The following PARP15 variants were observed in gnomAD, a reference collection of about 807,000 sequenced individuals.
PARP15 encodes poly(ADP-ribose) polymerase family member 15.
A neutral mutation model predicts 62.1 loss-of-function variants in PARP15; 50 were observed. The ratio of observed to expected loss-of-function variants is 0.81; its 90% confidence interval spans 0.64 to 1.02. The LOEUF (loss-of-function observed/expected upper bound fraction) is 1.02. Ranked by LOEUF, PARP15 falls within the 50% of genes least tolerant of loss-of-function variation. PARP15 has a pLI of 0.00. For missense variants in PARP15, 820 were observed against 826.5 expected, an observed-to-expected ratio of 0.99 and a Z score of 0.10; for synonymous variants, 309 against 293.1, an observed-to-expected ratio of 1.05 and a Z score of -0.55.
At position 122,626,864 on chromosome 3, in the gene PARP15, C is replaced by T. The variant is rs1936763683; in HGVS notation, c.1269C>T (p.Asn423=). The change falls in exon 9 of 12, where the codon AAC becomes AAT. Residue 423 remains asparagine, a synonymous_variant. Transcript: ENST00000464300. ...AAAACCCTATCACAGTTGCTGATAA[C>T]ATAATCGATGCTATTGTAGACTTCT... ...AGKNPITVAD[N]IIDAIVDFSS... The T allele has an allele frequency of 2.5e-6, 4 of 1,613,306 alleles. No individual in the cohort carries two copies. In the Admixed American group the frequency reaches 5.0e-5, roughly 20 times the overall value.
chr3:122,617,811 C>T (rs1398413691), intron 6 of PARP15, among the ~76,000 whole-genome samples: 1 of 152,218 alleles, frequency 6.6e-6, no homozygotes, highest in African/African-American at 2.4e-5. Flanking sequence ...TCACTGCAAC[C>T]TCTGCCTCCC....
intron 8 of PARP15, 44 bp from the exon 9 acceptor site, chr3:122,626,783 G>T: frequency 6.4e-7 from 1 of 1,559,978 alleles, no homozygotes; most frequent in Non-Finnish European, 8.8e-7. Flanking sequence ...CATCATATTA[G>T]CAACATCGGG....
intron 1 of PARP15, among the ~76,000 whole-genome samples, chr3:122,601,460 G>C (rs1291780745): frequency 6.6e-6 from 1 of 152,104 alleles, no homozygotes; most frequent in African/African-American, 2.4e-5. Context: ...CCACTCATCT[G>C]TTTACTGTCT....
intron 3 of PARP15, among the ~76,000 whole-genome samples, chr3:122,612,119 G>A (rs1313796293): frequency 3.3e-5 from 5 of 150,886 alleles, no homozygotes; most frequent in South Asian, 2.1e-4. Flanking sequence ...GCAGTGGCGC[G>A]ATCTTACCTC....
rs372860645 is a variant in PARP15 at position 122,595,179 on chromosome 3, T to TCC, written c.187-10756_187-10755insCC. Reference sequence around the variant, plus strand: ...CTAGCTAAAGGAATTGTTTTTTTTTTCGCAGTAACAAAACAAAAGCTTCCC... The same window carrying TCC: ...CTAGCTAAAGGAATTGTTTTTTTTTTCCCGCAGTAACAAAACAAAAGCTTCCC... On this transcript the variant is annotated intron_variant, in intron 1 of 11. Transcript: ENST00000464300. Among the ~76,000 whole-genome samples, 16 of 151,662 alleles carry TCC rather than the reference T, an allele frequency of 1.1e-4. 1 individual carries two copies. Among genetic ancestry groups the TCC allele is most frequent in the Admixed American group, 2.0e-4 (3 of 15,224 alleles).
intron 1 of PARP15, among the ~76,000 whole-genome samples, chr3:122,601,064 C>A (rs547641148): frequency 1.1e-4 from 8 of 73,574 alleles, no homozygotes; most frequent in African/African-American, 6.9e-4. Context: ...TTTTTTGAGA[C>A]GGAGCCTTGC....
chr3:122,614,094 T>C (rs1418262286), intron 4 of PARP15, among the ~76,000 whole-genome samples: 1 of 152,134 alleles, frequency 6.6e-6, no homozygotes, highest in African/African-American at 2.4e-5. Flanking sequence ...CACCTCAGCC[T>C]CCCAAAGTGC....
intron 9 of PARP15, among the ~76,000 whole-genome samples, chr3:122,629,600 G>A (rs996981250): frequency 4.6e-4 from 70 of 152,276 alleles, no homozygotes; most frequent in Middle Eastern, 6.8e-3. Context: ...GAAGGGGGTG[G>A]TTTCAGGATG....
At chr3:122,607,304 A>G (rs16833255) in intron 2 of PARP15, among the ~76,000 whole-genome samples, 22,295 of 152,178 alleles carry the variant, frequency 0.15, 4,746 homozygotes, top group African/African-American at 0.47. Context: ...CACTCTAGTT[A>G]TAGGCATAGT....
At chr3:122,630,184 C>T (rs1936983387) in intron 9 of PARP15, among the ~76,000 whole-genome samples, 1 of 152,228 alleles carries the variant, frequency 6.6e-6, no homozygotes, top group Non-Finnish European at 1.5e-5. Context: ...GTCAACAGTG[C>T]TCCTTACTTT....
intron 11 of PARP15, among the ~76,000 whole-genome samples, 179 bp from the exon 12 acceptor site, chr3:122,635,632 C>T (rs555319381): frequency 3.9e-5 from 6 of 152,116 alleles, no homozygotes; most frequent in African/African-American, 9.6e-5. Context: ...AGGCTGGTCT[C>T]GAACTCCTGG....
intron 1 of PARP15, among the ~76,000 whole-genome samples, chr3:122,595,721 C>T (rs931981721): frequency 6.6e-6 from 1 of 152,076 alleles, no homozygotes; most frequent in African/African-American, 2.4e-5. Flanking sequence ...TTTGTAGAGA[C>T]AGGGTTTTGC....
chr3:122,608,039 T>G (rs561734445), intron 2 of PARP15, among the ~76,000 whole-genome samples: 60 of 152,062 alleles, frequency 3.9e-4, no homozygotes, highest in Non-Finnish European at 7.9e-4. Flanking sequence ...CTTCGGTGTC[T>G]TCCTACTACC....
intron 1 of PARP15, among the ~76,000 whole-genome samples, chr3:122,599,888 A>G (rs1934662429): frequency 6.6e-6 from 1 of 152,228 alleles, no homozygotes; most frequent in Admixed American, 6.5e-5. Flanking sequence ...TTCCTCATTC[A>G]GAAAGTATCT....
intron 5 of PARP15, 103 bp downstream of exon 5, chr3:122,615,960 G>A: frequency 8.8e-7 from 1 of 1,133,230 alleles, no homozygotes. Context: ...TTCACATGAA[G>A]AACAAATCTG....
At chr3:122,609,741 G>A (rs1446513258) in intron 2 of PARP15, among the ~76,000 whole-genome samples, 1 of 151,490 alleles carries the variant, frequency 6.6e-6, no homozygotes, top group Non-Finnish European at 1.5e-5. Context: ...CGATGAGAGT[G>A]TTTGTCTCCT....
chr3:122,636,424 A>G lies in PARP15; in HGVS notation c.*324A>G, dbSNP rs1174397716. ...CAAGATGCATCACCTTAAAACCAAGATGACATTGTTCTTCTTGGAACATGT... is the reference window on the plus strand; with the variant it reads ...CAAGATGCATCACCTTAAAACCAAGGTGACATTGTTCTTCTTGGAACATGT... On this transcript the variant is annotated 3_prime_UTR_variant, in exon 12 of 12. Transcript: ENST00000464300. 3.6e-6 allele frequency: 1 copy of G among 275,250 alleles called. No individual in the cohort carries two copies. The highest frequency in any genetic ancestry group is 7.0e-6 in the Non-Finnish European group (1 of 143,592). The allele number at this position is 275,250 out of a possible 1,614,324, so 17.1% of individuals were successfully genotyped here.
intron 1 of PARP15, among the ~76,000 whole-genome samples, chr3:122,599,475 T>A: frequency 6.6e-6 from 1 of 152,114 alleles, no homozygotes; most frequent in East Asian, 1.9e-4. Context: ...CTCTCTCCCC[T>A]CTCTCTCTTT....
chr3:122,590,905 G>A (rs114632610), intron 1 of PARP15, among the ~76,000 whole-genome samples: 103 of 152,190 alleles, frequency 6.8e-4, no homozygotes, highest in African/African-American at 2.3e-3. Flanking sequence ...CTTTATTTGC[G>A]GTAAAATGTT....
Sources: gnomAD v4.1 joint callset for allele counts (sites outside exome capture counted in the v4.1 genomes callset) on GRCh38, gnomAD v4.1.1 for gene constraint, MANE v1.5 for transcripts, NCBI Gene and HGNC (gene_info 2026-07-23, HGNC 2026-07-21) for gene names.